KIAA0319: variants seen among roughly 807,000 people sequenced by gnomAD.
KIAA0319 encodes dyslexia-associated protein KIAA0319.
A neutral mutation model predicts 108.4 loss-of-function variants in KIAA0319; 83 were observed. The observed-to-expected ratio is 0.77, with a 90% CI of 0.64 to 0.92. The LOEUF (loss-of-function observed/expected upper bound fraction) is 0.92. Ranked by LOEUF, KIAA0319 falls within the 40% of genes least tolerant of loss-of-function variation. KIAA0319 has a pLI of 0.00. For synonymous variants in KIAA0319, 484 were observed against 510.4 expected (o/e 0.95, Z 0.70); for missense variants, 1,195 against 1,322.4 (o/e 0.90, Z 1.49).
chr6:24,565,240 G>A (rs1447889233), intron 14 of KIAA0319, among the ~76,000 whole-genome samples: 2 of 150,436 alleles, frequency 1.3e-5, no homozygotes, highest in Admixed American at 6.6e-5. Flanking sequence ...GTGACAGAGC[G>A]AGACTCGGAC....
rs772614758 is a variant in KIAA0319, at chr6:24,596,280, C to A, written c.394G>T (p.Asp132Tyr). 19 of 1,611,008 alleles carry A rather than the reference C, an allele frequency of 1.2e-5. No homozygotes were observed. The highest frequency in any genetic ancestry group is 1.1e-4 in the East Asian group (5 of 44,838). Reference protein sequence around the residue: ...NRGSPSGIWGDSPEDIRKDLT... With the variant: ...NRGSPSGIWGYSPEDIRKDLT... The stretch of plus-strand genomic sequence containing the variant: ...TCCTTTCTGATATCCTCAGGTGAGT[C>A]CCCCCAGATCCCCGAGGGGGAGCCC... The change falls in exon 3 of 21, where the codon GAC (aspartate) becomes TAC (tyrosine). Residue 132 changes from aspartate (D) to tyrosine (Y), a missense_variant. Asp to Tyr is a radical substitution (Grantham distance 160). Transcript: ENST00000378214.
intron 1 of KIAA0319, among the ~76,000 whole-genome samples, chr6:24,626,654 A>G (rs1274766658): frequency 2.0e-5 from 3 of 152,246 alleles, no homozygotes; most frequent in Non-Finnish European, 4.4e-5. Flanking sequence ...TATCTCAATG[A>G]AGCTAACATT....
intron 4 of KIAA0319, among the ~76,000 whole-genome samples, chr6:24,586,214 C>T (rs771459419): frequency 6.6e-6 from 1 of 152,224 alleles, no homozygotes; most frequent in Non-Finnish European, 1.5e-5. Flanking sequence ...TGATTGAGAC[C>T]TGTCTCAGAT....
intron 19 of KIAA0319, among the ~76,000 whole-genome samples, chr6:24,554,221 C>T (rs558008439): frequency 2.2e-4 from 34 of 152,312 alleles, no homozygotes; most frequent in African/African-American, 7.2e-4. Flanking sequence ...AACTCCCAAA[C>T]AATGGTCACA....
intron 1 of KIAA0319, among the ~76,000 whole-genome samples, chr6:24,640,453 T>C (rs1776772300): frequency 6.6e-6 from 1 of 152,152 alleles, no homozygotes; most frequent in Admixed American, 6.5e-5. Flanking sequence ...AGTGGTTCCA[T>C]ATGGGTGTAA....
chr6:24,592,185 T>C (rs1207399947), intron 3 of KIAA0319, among the ~76,000 whole-genome samples: 1 of 152,196 alleles, frequency 6.6e-6, no homozygotes, highest in African/African-American at 2.4e-5. Context: ...CGTTGGTCCA[T>C]TTTGAGTTAA....
In KIAA0319 at chr6:24,579,431, A is replaced by ATATATATATC. The variant is rs1554157150; in HGVS notation, c.1372+426_1372+427insGATATATATA. 5.9e-5 allele frequency among the ~76,000 whole-genome samples: 8 copies of ATATATATATC among 134,714 alleles called. No individual in the cohort carries two copies. The East Asian group carries it at 1.6e-3, about 27-fold the overall frequency. 88.4% of individuals were successfully genotyped at this position (134,714 alleles called of 152,430 possible). A position where few individuals can be genotyped will look rare whatever the true frequency, so the allele number is the denominator to read the frequency against. On this transcript the variant is annotated intron_variant, in intron 8 of 20. Transcript: ENST00000378214. ...TATAAAGATATATATATATATATAT[A>ATATATATATC]TCTTATATATCTCATATATATCTTA...
intron 3 of KIAA0319, among the ~76,000 whole-genome samples, chr6:24,589,904 T>C (rs1352067972): frequency 6.6e-6 from 1 of 152,170 alleles, no homozygotes; most frequent in Non-Finnish European, 1.5e-5. Context: ...AAGTTAAAGT[T>C]CTTAAACTAA....
intron 14 of KIAA0319, among the ~76,000 whole-genome samples, 191 bp downstream of exon 14, chr6:24,566,406 T>A (rs1278140008): frequency 6.6e-6 from 1 of 152,230 alleles, no homozygotes; most frequent in South Asian, 2.1e-4. Flanking sequence ...CACTGGAAAC[T>A]GAATTAGCCA....
chr6:24,565,184 T>G (rs1430962185), intron 14 of KIAA0319, among the ~76,000 whole-genome samples: 1 of 149,926 alleles, frequency 6.7e-6, no homozygotes, highest in East Asian at 2.0e-4. Flanking sequence ...ACCTGGGAAG[T>G]GGAGCTTGCA....
intron 11 of KIAA0319, among the ~76,000 whole-genome samples, chr6:24,570,668 A>C (rs1581985670): frequency 7.1e-6 from 1 of 140,012 alleles, no homozygotes. Flanking sequence ...TGGGGGAGGA[A>C]GGAAAGAGAG....
chr6:24,566,785 G>T (rs878916832), intron 13 of KIAA0319, 37 bp from the exon 14 acceptor site: 1 of 1,559,192 alleles, frequency 6.4e-7, no homozygotes. Context: ...CAAAGAGATT[G>T]ATTTAAAACA....
chr6:24,612,296 A>G lies in KIAA0319; in HGVS notation c.-105-11088T>C, dbSNP rs545794359. Among the ~76,000 whole-genome samples the G allele has an allele frequency of 9.2e-5, 14 of 152,066 alleles. No homozygotes were observed. In the South Asian group the frequency reaches 2.7e-3, roughly 29 times the overall value. ...GCGAGACCTCATCTCCACAAAAAAT[A>G]AAAGAATTAGCCAAGCATAGTGGCA... On this transcript the variant is annotated intron_variant, in intron 1 of 20. Coordinates refer to ENST00000378214, the MANE Select transcript of KIAA0319 (RefSeq NM_014809.4).
intron 11 of KIAA0319, 33 bp from the exon 12 acceptor site, chr6:24,570,068 A>G (rs1199607129): frequency 6.2e-7 from 1 of 1,603,766 alleles, no homozygotes; most frequent in Non-Finnish European, 8.5e-7. Flanking sequence ...AAAAAGTATT[A>G]TCTCTTTGCA....
At position 24,588,718 on chromosome 6, in the gene KIAA0319, C is replaced by G; in HGVS notation, c.869G>C (p.Ser290Thr). 1.9e-6 allele frequency: 3 copies of G among 1,613,926 alleles called. No individual in the cohort carries two copies. Among genetic ancestry groups the G allele is most frequent in the Non-Finnish European group, 2.5e-6 (3 of 1,179,984 alleles). Reference protein sequence around the residue: ...LELSSVTVEKSPVLTVTPGST... With the variant: ...LELSSVTVEKTPVLTVTPGST... Reference sequence around the variant, plus strand: ...CCCCGGGGTGACTGTGAGCACTGGGCTTTTCTCCACGGTGACTGAGCTGAG... The same window carrying G: ...CCCCGGGGTGACTGTGAGCACTGGGGTTTTCTCCACGGTGACTGAGCTGAG... Residue 290 changes from serine (S) to threonine (T), a missense_variant, in exon 4 of 21, where the codon AGC becomes ACC. Ser to Thr is a moderately conservative substitution (Grantham distance 58). Transcript: ENST00000378214.
intron 16 of KIAA0319, among the ~76,000 whole-genome samples, chr6:24,561,993 G>A (rs1212340636): frequency 3.3e-5 from 5 of 152,128 alleles, no homozygotes; most frequent in East Asian, 3.9e-4. Context: ...GTCAGCCACC[G>A]CACCTGGCCA....
rs531554526 is a variant in KIAA0319, at chr6:24,590,553, A to G, written c.802-1768T>C. 1.2e-4 allele frequency among the ~76,000 whole-genome samples: 18 copies of G among 152,344 alleles called. No individual in the cohort carries two copies. In the South Asian group the frequency reaches 3.5e-3, roughly 30 times the overall value. ...AACCAGGGCTGCAGAATAGGTGTCC[A>G]TAACATTTTATACTGGGGCCTCTGC... On this transcript the variant is annotated intron_variant, in intron 3 of 20. Coordinates refer to ENST00000378214, the MANE Select transcript of KIAA0319 (RefSeq NM_014809.4).
At chr6:24,591,912 A>T (rs563387713) in intron 3 of KIAA0319, among the ~76,000 whole-genome samples, 204 of 152,270 alleles carry the variant, frequency 1.3e-3, no homozygotes, top group African/African-American at 4.6e-3. Context: ...ATTAAGTTGT[A>T]AGAGTTATTT....
chr6:24,579,403 CTATATAAAGA>C (rs1254449179), intron 8 of KIAA0319, among the ~76,000 whole-genome samples: 2 of 105,252 alleles, frequency 1.9e-5, no homozygotes, highest in African/African-American at 4.8e-5. Flanking sequence ...GGGAGCTCCT[CTATATAAAGA>C]TATATATATA....
Sources: gnomAD v4.1 joint callset for allele counts (sites outside exome capture counted in the v4.1 genomes callset) on GRCh38, gnomAD v4.1.1 for gene constraint, MANE v1.5 for transcripts, NCBI Gene and HGNC (gene_info 2026-07-23, HGNC 2026-07-21) for gene names.